The following GCNT4 variants were observed in gnomAD, a reference collection of about 807,000 sequenced individuals.
GCNT4 encodes the protein glucosaminyl (N-acetyl) transferase 4.
GCNT4 carries 17 observed loss-of-function variants against 31.3 expected under a neutral mutation model. That is an observed-to-expected ratio of 0.54 (90% CI 0.37 to 0.81). The LOEUF is 0.81. Ranked by LOEUF, GCNT4 falls within the 40% of genes least tolerant of loss-of-function variation. The pLI is 0.00. For synonymous variants in GCNT4, 158 were observed against 190.6 expected (o/e 0.83, Z 1.41); for missense variants, 503 against 525.5 (o/e 0.96, Z 0.42).
chr5:75,046,741 A>C (rs1743446996), intron 3 of GCNT4, among the ~76,000 whole-genome samples: 2 of 152,206 alleles, frequency 1.3e-5, no homozygotes, highest in African/African-American at 4.8e-5. Flanking sequence ...AAAAGCAATA[A>C]AAGAGCTAGA....
At chr5:75,043,657 G>A (rs1215381287) in intron 3 of GCNT4, among the ~76,000 whole-genome samples, 4 of 152,006 alleles carry the variant, frequency 2.6e-5, no homozygotes, top group Admixed American at 2.0e-4. Flanking sequence ...CTCAGCCCCC[G>A]TATCCTCAAG....
At chr5:75,042,230 G>A (rs1743336940) in intron 3 of GCNT4, among the ~76,000 whole-genome samples, 1 of 152,218 alleles carries the variant, frequency 6.6e-6, no homozygotes, top group South Asian at 2.1e-4. Context: ...CATGTTCTAA[G>A]TTAAAAATAT....
At chr5:75,037,869 A>C (rs1424018771) in intron 3 of GCNT4, among the ~76,000 whole-genome samples, 6 of 151,746 alleles carry the variant, frequency 4.0e-5, no homozygotes, top group Non-Finnish European at 8.8e-5. Flanking sequence ...GGCAAGATTC[A>C]GTCTCAAAAA....
chr5:75,042,378 T>G (rs562797355), intron 3 of GCNT4, among the ~76,000 whole-genome samples: 1 of 152,360 alleles, frequency 6.6e-6, no homozygotes, highest in South Asian at 2.1e-4. Flanking sequence ...GGTATGCTTT[T>G]TTTTCCCCCT....
At chr5:75,024,090 T>G (rs1042361566), downstream of GCNT4, among the ~76,000 whole-genome samples, 1 of 152,212 alleles carries the variant, frequency 6.6e-6, no homozygotes, top group African/African-American at 2.4e-5. Flanking sequence ...ATCTATTCAT[T>G]CTCTCTTGCC....
At chr5:75,031,402 A>G (rs1000009403) in intron 3 of GCNT4, among the ~76,000 whole-genome samples, 3 of 152,102 alleles carry the variant, frequency 2.0e-5, no homozygotes, top group Admixed American at 1.3e-4. Context: ...CAGATAGTAA[A>G]TATTTTTGGC....
rs778773406 is a variant in GCNT4 at position 75,029,631 on chromosome 5, G to C, written c.407C>G (p.Ser136Cys). 9 of 1,613,974 alleles carry C rather than the reference G, an allele frequency of 5.6e-6. No homozygotes were observed. Among genetic ancestry groups the C allele is most frequent in the Admixed American group, 1.7e-5 (1 of 60,010 alleles). ...KEEKSFPIAYSLVVHKDAIMV... is the reference protein window; with the variant it reads ...KEEKSFPIAYCLVVHKDAIMV... ...AATTGCATCTTTGTGGACAACCAAA[G>C]AATAGGCTATTGGGAAGCTTTTCTC... is the stretch of plus-strand genomic sequence containing the variant. Residue 136 changes from serine to cysteine, a missense_variant, in exon 4 of 4, where the codon TCT becomes TGT. By Grantham distance (112) the Ser-to-Cys change is moderately radical. Transcript: ENST00000652361.
the GCNT4 span, among the ~76,000 whole-genome samples, chr5:75,018,256 G>A: frequency 6.2e-4 from 94 of 152,146 alleles, 1 homozygote; most frequent in East Asian, 0.011. Context: ...GTGAGTCACC[G>A]GGGGTAACAT....
At chr5:75,040,337 G>A (rs373427638) in intron 3 of GCNT4, among the ~76,000 whole-genome samples, 1 of 152,084 alleles carries the variant, frequency 6.6e-6, no homozygotes, top group African/African-American at 2.4e-5. Context: ...CTTGCTACAA[G>A]GAGTAGTTAC....
At chr5:75,021,188 G>C (rs73112723), downstream of GCNT4, among the ~76,000 whole-genome samples, 2,156 of 152,262 alleles carry the variant, frequency 0.014, 59 homozygotes, top group African/African-American at 0.047. Context: ...TCTCTTCCCT[G>C]TTCCTTTTGG....
chr5:75,043,943 T>C (rs1044879325), intron 3 of GCNT4, among the ~76,000 whole-genome samples: 2 of 152,226 alleles, frequency 1.3e-5, no homozygotes, highest in Non-Finnish European at 2.9e-5. Flanking sequence ...TAGAGGCAGA[T>C]GGAGGCTTTA....
chr5:75,043,077 C>A (rs970968622), intron 3 of GCNT4, among the ~76,000 whole-genome samples: 1 of 152,138 alleles, frequency 6.6e-6, no homozygotes, highest in African/African-American at 2.4e-5. Flanking sequence ...TCCCTTCTAG[C>A]CGTAGTTTTA....
the GCNT4 span, among the ~76,000 whole-genome samples, chr5:75,019,402 C>T: frequency 6.6e-6 from 1 of 152,156 alleles, no homozygotes; most frequent in African/African-American, 2.4e-5. Flanking sequence ...TTGAGCTGAC[C>T]GAGACATTTG....
intron 2 of GCNT4, among the ~76,000 whole-genome samples, chr5:75,050,502 A>C (rs1743544511): frequency 6.6e-6 from 1 of 150,804 alleles, no homozygotes; most frequent in African/African-American, 2.4e-5. Flanking sequence ...CACCCCATCC[A>C]CCCCAGGATT....
At chr5:75,021,825 T>C (rs758342491), downstream of GCNT4, among the ~76,000 whole-genome samples, 2 of 152,188 alleles carry the variant, frequency 1.3e-5, no homozygotes, top group Non-Finnish European at 2.9e-5. Context: ...AGGCATTGTC[T>C]ACCTAGTCCG....
intron 3 of GCNT4, among the ~76,000 whole-genome samples, chr5:75,044,764 T>C (rs2149973314): frequency 6.6e-6 from 1 of 152,172 alleles, no homozygotes; most frequent in East Asian, 1.9e-4. Flanking sequence ...ATCAAAGGCC[T>C]CCACGCTTCT....
At chr5:75,019,919 G>T in the GCNT4 span, among the ~76,000 whole-genome samples, 1 of 152,138 alleles carries the variant, frequency 6.6e-6, no homozygotes, top group African/African-American at 2.4e-5. Context: ...TAAACAAATG[G>T]TGAATACAAA....
downstream of GCNT4, among the ~76,000 whole-genome samples, chr5:75,022,894 A>C (rs1261874755): frequency 6.6e-6 from 1 of 152,228 alleles, no homozygotes; most frequent in African/African-American, 2.4e-5. Flanking sequence ...CATTCTAGGC[A>C]CAGGAAAAAG....
At chr5:75,039,931 T>C (rs1743282790) in intron 3 of GCNT4, among the ~76,000 whole-genome samples, 1 of 152,170 alleles carries the variant, frequency 6.6e-6, no homozygotes, top group Non-Finnish European at 1.5e-5. Context: ...AAGAAATCCT[T>C]TTCATGTCCA....
Sources: allele counts gnomAD v4.1 joint callset (sites outside exome capture counted in the v4.1 genomes callset), GRCh38; gene constraint gnomAD v4.1.1; transcripts MANE v1.5; gene names NCBI Gene and HGNC (gene_info 2026-07-23, HGNC 2026-07-21).